Variants in ZFAND3 observed in about 807,000 individuals in gnomAD.
The protein encoded by ZFAND3 is zinc finger AN1-type containing 3.
ZFAND3 carries 10 observed loss-of-function variants against 29.6 expected under a neutral mutation model. The ratio of observed to expected loss-of-function variants is 0.34; its 90% CI spans 0.21 to 0.57. The LOEUF (loss-of-function observed/expected upper bound fraction) is 0.57. Ranked by LOEUF, ZFAND3 falls within the 20% of genes least tolerant of loss-of-function variation. The probability of loss-of-function intolerance (pLI) is 0.86; values close to 1 mark genes in which losing one functional copy is unlikely to be tolerated. For synonymous variants in ZFAND3, 128 were observed against 112.6 expected (o/e 1.14, Z -0.87); for missense variants, 230 against 304.5 (o/e 0.76, Z 1.82).
rs1050290793 is a variant in ZFAND3 at position 37,982,319 on chromosome 6, T to C, written c.112+52320T>C. Among the ~76,000 whole-genome samples, 3 of 152,000 alleles carry C rather than the reference T, an allele frequency of 2.0e-5. 1 individual carries two copies. In the East Asian group the frequency reaches 5.8e-4, roughly 29 times the overall value. On this transcript the variant is annotated intron_variant, in intron 2 of 5. Coordinates refer to ENST00000287218, the MANE Select transcript of ZFAND3 (RefSeq NM_021943.3). ...TTCCTTTGGCTTAGTGATTTTGGGG[T>C]CCCGAGATATATTTTCCTTTCACAG... is the stretch of plus-strand genomic sequence containing the variant.
At chr6:38,081,836 T>C (rs929677802) in intron 3 of ZFAND3, among the ~76,000 whole-genome samples, 1 of 152,186 alleles carries the variant, frequency 6.6e-6, no homozygotes, top group African/African-American at 2.4e-5. Context: ...ATATTTCTTA[T>C]AATGAAACTA....
chr6:38,093,877 T>C (rs1581911702), intron 4 of ZFAND3, among the ~76,000 whole-genome samples: 1 of 151,944 alleles, frequency 6.6e-6, no homozygotes. Flanking sequence ...GGTGTGGAGG[T>C]GGTTAAAATA....
At chr6:38,076,295 T>A (rs1764552340) in intron 3 of ZFAND3, among the ~76,000 whole-genome samples, 1 of 152,186 alleles carries the variant, frequency 6.6e-6, no homozygotes, top group African/African-American at 2.4e-5. Flanking sequence ...CAACATAGTA[T>A]AAATATAACT....
chr6:38,075,985 C>T (rs1456144402), intron 3 of ZFAND3, among the ~76,000 whole-genome samples: 11 of 152,120 alleles, frequency 7.2e-5, no homozygotes. Flanking sequence ...ATCTCTTGAC[C>T]TTGTGATCCG....
intron 2 of ZFAND3, among the ~76,000 whole-genome samples, chr6:38,016,105 A>G (rs772885932): frequency 1.2e-5 from 1 of 85,934 alleles, no homozygotes; most frequent in Admixed American, 1.1e-4. Context: ...TTCCTTAGAC[A>G]GTAGTTCAGA....
chr6:38,091,675 CT>C (rs1764874183), intron 4 of ZFAND3, among the ~76,000 whole-genome samples: 1 of 146,372 alleles, frequency 6.8e-6, no homozygotes, highest in Non-Finnish European at 1.5e-5. Context: ...TGCAATGATA[CT>C]GCCCATTAAG....
At chr6:37,988,262 C>A (rs1236758454) in intron 2 of ZFAND3, among the ~76,000 whole-genome samples, 1 of 152,192 alleles carries the variant, frequency 6.6e-6, no homozygotes, top group African/African-American at 2.4e-5. Context: ...ACATAGGATT[C>A]TTTCTGTATC....
At chr6:37,968,727 T>C (rs1762334589) in intron 2 of ZFAND3, among the ~76,000 whole-genome samples, 1 of 152,120 alleles carries the variant, frequency 6.6e-6, no homozygotes, top group African/African-American at 2.4e-5. Flanking sequence ...CTTCCCTTTC[T>C]CTGTGTTGCT....
chr6:38,095,118 G>A lies in ZFAND3; in HGVS notation c.361+12661G>A, dbSNP rs374479558. Among the ~76,000 whole-genome samples the A allele has an allele frequency of 1.1e-4, 17 of 152,218 alleles. No homozygotes were observed. In the East Asian group the frequency reaches 3.1e-3, roughly 28 times the overall value. ...ATGACATTTACATTATTATGACTCTGTAAACGTTCCCTGTCAGGCCACCGT... is the reference window on the plus strand; with the variant it reads ...ATGACATTTACATTATTATGACTCTATAAACGTTCCCTGTCAGGCCACCGT... On this transcript the variant is annotated intron_variant, in intron 4 of 5. Coordinates refer to ENST00000287218, the MANE Select transcript of ZFAND3 (RefSeq NM_021943.3).
At chr6:37,883,920 A>G (rs187876644) in intron 1 of ZFAND3, among the ~76,000 whole-genome samples, 2 of 145,324 alleles carry the variant, frequency 1.4e-5, no homozygotes, top group East Asian at 3.9e-4. Context: ...GAGATTCGCC[A>G]GGCCTGGGAA....
At position 38,153,136 on chromosome 6, in the gene ZFAND3, C is replaced by T. The variant is rs1041938371; in HGVS notation, c.*747C>T. ...GTCACGAGAAGCAGCCAGAGTGCCC[C>T]GCCTCCGCCGGCTCTGGTCTGCCAT... On this transcript the variant is annotated 3_prime_UTR_variant, in exon 6 of 6. Transcript: ENST00000287218. 5.1e-6 allele frequency: 5 copies of T among 985,416 alleles called. No individual in the cohort carries two copies. Among genetic ancestry groups the T allele is most frequent in the African/African-American group, 1.7e-5 (1 of 57,264 alleles). The allele number at this position is 985,416 out of a possible 1,614,324, so 61.0% of individuals were successfully genotyped here. A position where few individuals can be genotyped will look rare whatever the true frequency, so the allele number is the denominator to read the frequency against.
At chr6:38,132,147 C>T (rs1327836637) in intron 5 of ZFAND3, among the ~76,000 whole-genome samples, 1 of 152,182 alleles carries the variant, frequency 6.6e-6, no homozygotes, top group Non-Finnish European at 1.5e-5. Flanking sequence ...AATTAAATAA[C>T]TCAACTTTGG....
chr6:37,932,050 C>T (rs1013993010), intron 2 of ZFAND3, among the ~76,000 whole-genome samples: 3 of 152,102 alleles, frequency 2.0e-5, no homozygotes, highest in African/African-American at 4.8e-5. Context: ...GTGGGTGGAC[C>T]ACGAGGTCTG....
In ZFAND3 at chr6:38,076,010, G is replaced by C. The variant is rs556090689; in HGVS notation, c.296-6382G>C. Among the ~76,000 whole-genome samples, 3 of 152,144 alleles carry C rather than the reference G, an allele frequency of 2.0e-5. No individual in the cohort carries two copies. In the East Asian group the frequency reaches 5.8e-4, roughly 29 times the overall value. ...CTTGTGATCCGCCTCCCTCAGCCTT[G>C]CAAAGCGCTGGGATTACAGATGTGA... On this transcript the variant is annotated intron_variant, in intron 3 of 5. Transcript: ENST00000287218.
chr6:38,015,361 T>C (rs1763235622), intron 2 of ZFAND3, among the ~76,000 whole-genome samples: 1 of 152,208 alleles, frequency 6.6e-6, no homozygotes, highest in African/African-American at 2.4e-5. Flanking sequence ...GGCTCTGCTA[T>C]TGGTGGGTGT....
intron 1 of ZFAND3, among the ~76,000 whole-genome samples, chr6:37,924,312 C>CT (rs34276814): frequency 0.02 from 2,522 of 127,252 alleles, 45 homozygotes; most frequent in African/African-American, 0.054. Flanking sequence ...TACTTAAGTG[C>CT]TTTTTTTTTT....
In ZFAND3 at chr6:38,001,501, A is replaced by G. The variant is rs192477490; in HGVS notation, c.113-60092A>G. ...TTTATTTTTCCTAGGATCTTTGCAC[A>G]GAGCAGAGCAACATAAACTCTATTA... On this transcript the variant is annotated intron_variant, in intron 2 of 5. Coordinates refer to ENST00000287218, the MANE Select transcript of ZFAND3 (RefSeq NM_021943.3). Among the ~76,000 whole-genome samples the G allele has an allele frequency of 9.2e-5, 14 of 152,332 alleles. No homozygotes were observed. In the East Asian group the frequency reaches 2.7e-3, roughly 29 times the overall value.
Position 37,968,330 on chromosome 6 carries a change from A to G in ZFAND3, c.112+38331A>G, listed in dbSNP as rs114993722. Among the ~76,000 whole-genome samples, 890 of 151,828 alleles carry G rather than the reference A, an allele frequency of 5.9e-3. 9 individuals are homozygous for G. The highest frequency in any genetic ancestry group is 5.7e-3 in the Non-Finnish European group (385 of 67,970). On this transcript the variant is annotated intron_variant, in intron 2 of 5. Transcript: ENST00000287218. ...GAAATTATTAATTGGGTGAGGCCTAACCATTGATAGGATATTATGCATTTA... is the reference window on the plus strand; with the variant it reads ...GAAATTATTAATTGGGTGAGGCCTAGCCATTGATAGGATATTATGCATTTA...
intron 1 of ZFAND3, among the ~76,000 whole-genome samples, chr6:37,845,540 A>G (rs141361147): frequency 3.3e-5 from 5 of 152,342 alleles, no homozygotes; most frequent in South Asian, 2.1e-4. Context: ...GGAAGCATGT[A>G]TAGCTTAATC....
Sources: allele counts gnomAD v4.1 joint callset (sites outside exome capture counted in the v4.1 genomes callset), GRCh38; gene constraint gnomAD v4.1.1; transcripts MANE v1.5; gene names NCBI Gene and HGNC (gene_info 2026-07-23, HGNC 2026-07-21).